PTPRG: variants seen among roughly 807,000 people sequenced by gnomAD.
The protein encoded by PTPRG is receptor-type tyrosine-protein phosphatase gamma.
PTPRG carries 102 observed loss-of-function variants against 165.3 expected under a neutral mutation model. That is an observed-to-expected ratio of 0.62 (90% CI 0.53 to 0.73). The LOEUF (loss-of-function observed/expected upper bound fraction) is 0.73, where lower values mean the gene tolerates loss of function less well. PTPRG is among the 30% of genes least tolerant of loss of function. The pLI is 0.00. For synonymous variants in PTPRG, 675 were observed against 669.5 expected (o/e 1.01, Z -0.13); for missense variants, 1,866 against 1,861.4 (o/e 1.00, Z -0.05).
intron 4 of PTPRG, among the ~76,000 whole-genome samples, chr3:62,021,948 G>C (rs537774924): frequency 7.1e-6 from 1 of 141,772 alleles, no homozygotes; most frequent in Non-Finnish European, 1.5e-5. Context: ...AAAAAAGAAA[G>C]TGTCTGGAGA....
chr3:61,594,590 A>G (rs1700649033), intron 1 of PTPRG, among the ~76,000 whole-genome samples: 1 of 152,174 alleles, frequency 6.6e-6, no homozygotes, highest in African/African-American at 2.4e-5. Context: ...AAGCACACCC[A>G]GGACTGATGA....
At chr3:62,003,552 C>A in intron 4 of PTPRG, 55 bp downstream of exon 4, 1 of 1,596,036 alleles carries the variant, frequency 6.3e-7, no homozygotes, top group South Asian at 1.1e-5. Context: ...TTATGTTAAT[C>A]AGATGCTGTG....
At chr3:61,766,581 A>T (rs936327381) in intron 2 of PTPRG, among the ~76,000 whole-genome samples, 4 of 151,766 alleles carry the variant, frequency 2.6e-5, no homozygotes, top group Non-Finnish European at 5.9e-5. Flanking sequence ...CGTATCACAC[A>T]TGTATTATTT....
intron 2 of PTPRG, among the ~76,000 whole-genome samples, chr3:61,931,363 G>A (rs1318944260): frequency 6.6e-6 from 1 of 152,210 alleles, no homozygotes; most frequent in Non-Finnish European, 1.5e-5. Flanking sequence ...AATCCTGCTT[G>A]ATGATATTTG....
intron 2 of PTPRG, among the ~76,000 whole-genome samples, chr3:61,940,706 C>T (rs935113673): frequency 4.0e-5 from 6 of 150,616 alleles, no homozygotes; most frequent in African/African-American, 1.5e-4. Context: ...CTCTGTTGGC[C>T]AGGCTGGAGT....
At chr3:61,958,321 A>C (rs1330552121) in intron 2 of PTPRG, among the ~76,000 whole-genome samples, 1 of 151,932 alleles carries the variant, frequency 6.6e-6, no homozygotes, top group Non-Finnish European at 1.5e-5. Context: ...GTAGACATGG[A>C]GTTTCCCCAT....
intron 1 of PTPRG, among the ~76,000 whole-genome samples, chr3:61,630,786 G>C (rs893086830): frequency 6.6e-6 from 1 of 152,042 alleles, no homozygotes; most frequent in African/African-American, 2.4e-5. Flanking sequence ...AGCGGGGCGC[G>C]GTGGCTCATG....
rs375771680 is a variant in PTPRG, at chr3:62,203,635, G to A, written c.1840G>A (p.Ala614Thr). 60 of 1,556,824 alleles carry A rather than the reference G, an allele frequency of 3.9e-5. No homozygotes were observed. The Admixed American group carries it at 6.4e-4, about 17-fold the overall frequency. The change falls in exon 12 of 30, where the codon GCT becomes ACT. Residue 614 changes from alanine (A) to threonine (T), a missense_variant. Physicochemically the swap from Ala to Thr is moderately conservative, Grantham distance 58. Transcript: ENST00000474889. This position sits in a 1 kb window ranked among gnomAD's most constrained non-coding sequence, Gnocchi z 6.4. ...GAAGGAGAAGAGTGGGGTGACCCAC[G>A]CTGCCGAGGAGCGGAATCAGACGGA... ...EKKEKSGVTH[A>T]AEERNQTEPS...
At chr3:62,016,677 CT>C (rs2041551701) in intron 4 of PTPRG, among the ~76,000 whole-genome samples, 1 of 152,212 alleles carries the variant, frequency 6.6e-6, no homozygotes, top group Non-Finnish European at 1.5e-5. Flanking sequence ...CTTTTAAACA[CT>C]TGGATTGCAT....
At chr3:61,598,555 C>T (rs770836774) in intron 1 of PTPRG, among the ~76,000 whole-genome samples, 15 of 152,104 alleles carry the variant, frequency 9.9e-5, no homozygotes, top group African/African-American at 3.6e-4. Flanking sequence ...GGTGTGACTC[C>T]GCTTAGAGTC....
At chr3:62,191,239 T>G (rs539723727) in intron 8 of PTPRG, among the ~76,000 whole-genome samples, 4 of 148,618 alleles carry the variant, frequency 2.7e-5, no homozygotes, top group African/African-American at 7.5e-5. Context: ...TCTGTGTCCC[T>G]TGCACACGTG....
intron 2 of PTPRG, among the ~76,000 whole-genome samples, chr3:61,766,293 C>G (rs968293843): frequency 1.3e-5 from 2 of 152,168 alleles, no homozygotes; most frequent in African/African-American, 4.8e-5. Context: ...ACTTTTCTCC[C>G]CAAAGAAATG....
intron 6 of PTPRG, among the ~76,000 whole-genome samples, chr3:62,153,219 C>T (rs979163407): frequency 1.3e-5 from 2 of 152,210 alleles, no homozygotes; most frequent in African/African-American, 4.8e-5. Context: ...AATGAGCCAG[C>T]CTGTACCTCA....
chr3:62,119,506 G>A (rs1702983054), intron 5 of PTPRG, among the ~76,000 whole-genome samples: 1 of 152,234 alleles, frequency 6.6e-6, no homozygotes, highest in African/African-American at 2.4e-5. Context: ...AGGCCCTGGA[G>A]TCCTGTAGGG....
intron 1 of PTPRG, among the ~76,000 whole-genome samples, chr3:61,666,312 A>T (rs1702812924): frequency 6.6e-6 from 1 of 152,216 alleles, no homozygotes; most frequent in Admixed American, 6.5e-5. Flanking sequence ...CAGAGATGGG[A>T]ACTCTCATTT....
At chr3:62,163,381 A>T (rs558658323) in intron 7 of PTPRG, among the ~76,000 whole-genome samples, 1 of 152,054 alleles carries the variant, frequency 6.6e-6, no homozygotes, top group South Asian at 2.1e-4. Context: ...GAGAAAGCAC[A>T]TACCAGTCTC....
intron 2 of PTPRG, among the ~76,000 whole-genome samples, chr3:61,781,979 C>T (rs773635199): frequency 6.7e-6 from 1 of 149,808 alleles, no homozygotes; most frequent in Non-Finnish European, 1.5e-5. Context: ...AATTCTCTTT[C>T]CTCAACCTCC....
At position 62,151,214 on chromosome 3, in the gene PTPRG, C is replaced by T. The variant is rs541683500; in HGVS notation, c.683-5853C>T. Among the ~76,000 whole-genome samples the T allele has an allele frequency of 2.6e-5, 4 of 152,238 alleles. 1 individual carries two copies. The highest frequency in any genetic ancestry group is 9.6e-5 in the African/African-American group (4 of 41,554). The stretch of plus-strand genomic sequence containing the variant: ...AAGGAAACTGCAAGGATAACTGGGC[C>T]GCGCTGGGCTTAATGGTTGACCATG... On this transcript the variant is annotated intron_variant, in intron 6 of 29. Transcript: ENST00000474889.
intron 1 of PTPRG, among the ~76,000 whole-genome samples, chr3:61,583,137 G>A (rs942159598): frequency 1.3e-5 from 2 of 152,180 alleles, no homozygotes; most frequent in East Asian, 3.9e-4. Context: ...TGTATCTTAG[G>A]TGCTTCCTCA....
Sources: gnomAD v4.1 joint callset for allele counts (sites outside exome capture counted in the v4.1 genomes callset) on GRCh38, gnomAD v4.1.1 for gene constraint, Gnocchi (gnomAD v3.1) non-coding constraint, MANE v1.5 for transcripts, NCBI Gene and HGNC (gene_info 2026-07-23, HGNC 2026-07-21) for gene names.